Variants in TNKS2 observed in about 807,000 individuals in gnomAD.
TNKS2 encodes tankyrase 2.
Under a neutral mutation model 137.6 loss-of-function variants are expected in TNKS2, and 72 were observed. The observed-to-expected ratio is 0.52, with a 90% confidence interval of 0.43 to 0.64. The LOEUF (loss-of-function observed/expected upper bound fraction) is 0.64, where lower values mean the gene tolerates loss of function less well. TNKS2 is among the 30% of genes least tolerant of loss of function. The probability of loss-of-function intolerance (pLI) is 0.00; values close to 1 mark genes in which losing one functional copy is unlikely to be tolerated. For missense variants in TNKS2, 1,049 were observed against 1,410.2 expected (o/e 0.74, Z 4.10); for synonymous variants, 516 against 512.1 (o/e 1.01, Z -0.10).
In TNKS2 at chr10:91,857,449, C is replaced by G; in HGVS notation, c.3013C>G (p.Leu1005Val). 6.2e-7 allele frequency: 1 copy of G among 1,607,794 alleles called. No homozygotes were observed. The highest frequency in any genetic ancestry group is 8.5e-7 in the Non-Finnish European group (1 of 1,176,264). The change falls in exon 24 of 27, where the codon CTA (leucine) becomes GTA (valine). Residue 1005 changes from leucine to valine, a missense_variant. Leu to Val is a conservative substitution (Grantham distance 32). Around this residue, in one of 6 missense-constraint regions of TNKS2, gnomAD observed 133 missense variants for 248.4 expected, o/e 0.54. Transcript: ENST00000371627. Reference protein sequence around the residue: ...LKIQKVCNKKLWERYTHRRKE... With the variant: ...LKIQKVCNKKVWERYTHRRKE... ...GATTCAGAAGGTTTGTAACAAGAAA[C>G]TATGGGAAAGATACACTCACCGGAG...
At chr10:91,800,535 C>G (rs187485419) in intron 1 of TNKS2, among the ~76,000 whole-genome samples, 37 of 152,264 alleles carry the variant, frequency 2.4e-4, no homozygotes, top group Non-Finnish European at 4.3e-4. Flanking sequence ...GCCTTCCCAC[C>G]TTCAGTTCTG....
chr10:91,839,851 A>G (rs1842154500), intron 13 of TNKS2, among the ~76,000 whole-genome samples: 1 of 152,202 alleles, frequency 6.6e-6, no homozygotes, highest in Non-Finnish European at 1.5e-5. Context: ...CTCAGTAGAT[A>G]GAGATCTGAG....
chr10:91,837,557 T>C (rs1461856994), intron 13 of TNKS2, among the ~76,000 whole-genome samples: 3 of 152,166 alleles, frequency 2.0e-5, no homozygotes, highest in African/African-American at 4.8e-5. Context: ...ACTCTTGCTG[T>C]AGAAATATGT....
In TNKS2 at chr10:91,815,322, G is replaced by A. The variant is rs982683568; in HGVS notation, c.425-1812G>A. On this transcript the variant is annotated intron_variant, in intron 2 of 26. Transcript: ENST00000371627. ...GAAATGAGGTCATTTATAAAGATGT[G>A]AAATGGATTTCCTAGTTACCTCTGC... 1.7e-4 allele frequency among the ~76,000 whole-genome samples: 26 copies of A among 152,302 alleles called. No individual in the cohort carries two copies. The East Asian group carries it at 3.7e-3, about 21-fold the overall frequency.
chr10:91,823,335 T>G (rs1159680027), intron 7 of TNKS2, among the ~76,000 whole-genome samples: 3 of 134,394 alleles, frequency 2.2e-5, no homozygotes, highest in South Asian at 2.5e-4. Context: ...TTTTTTTTTT[T>G]TTTTTTTTTT....
rs764613712 is a variant in TNKS2 at position 91,842,151 on chromosome 10, T to G, written c.1840-21T>G. The stretch of plus-strand genomic sequence containing the variant: ...ACATTTAAGCCATTTCCCCCTTTTT[T>G]TCTGTTTTTCACATGCCTAGCATGG... On this transcript the variant is annotated intron_variant, in intron 15 of 26. Transcript: ENST00000371627. The G allele has an allele frequency of 4.5e-6, 7 of 1,571,326 alleles. No individual in the cohort carries two copies. The South Asian group carries it at 4.6e-5, about 10-fold the overall frequency.
chr10:91,858,042 A>C (rs965025560), intron 24 of TNKS2, among the ~76,000 whole-genome samples: 1 of 152,184 alleles, frequency 6.6e-6, no homozygotes, highest in African/African-American at 2.4e-5. Context: ...GGAATTTTCT[A>C]CTTTTTTTGT....
In TNKS2 at chr10:91,842,163, C is replaced by A; in HGVS notation, c.1840-9C>A. ...TTTCCCCCTTTTTTTCTGTTTTTCA[C>A]ATGCCTAGCATGGTGCAGACCCTAC... is the stretch of plus-strand genomic sequence containing the variant. On this transcript the variant is annotated splice_polypyrimidine_tract_variant and intron_variant, in intron 15 of 26. Transcript: ENST00000371627. 1 of 1,582,802 alleles carries A rather than the reference C, an allele frequency of 6.3e-7. No individual in the cohort carries two copies. The highest frequency in any genetic ancestry group is 1.8e-5 in the Admixed American group (1 of 56,008).
In TNKS2 at chr10:91,845,738, A is replaced by G. The variant is rs780653625; in HGVS notation, c.2170-14A>G. The G allele has an allele frequency of 4.1e-6, 6 of 1,477,918 alleles. No individual in the cohort carries two copies. The East Asian group carries it at 7.1e-5, about 18-fold the overall frequency. The allele number at this position is 1,477,918 out of a possible 1,614,324, so 91.6% of individuals were successfully genotyped here. On this transcript the variant is annotated splice_polypyrimidine_tract_variant and intron_variant, in intron 17 of 26. Transcript: ENST00000371627. Reference sequence around the variant, plus strand: ...AATAATATTTCAGACTGTAACGGGTATTTTCTTTTACAGCATGTAGATGTA... The same window carrying G: ...AATAATATTTCAGACTGTAACGGGTGTTTTCTTTTACAGCATGTAGATGTA...
At chr10:91,800,493 T>C (rs972576779) in intron 1 of TNKS2, among the ~76,000 whole-genome samples, 1 of 152,228 alleles carries the variant, frequency 6.6e-6, no homozygotes, top group Non-Finnish European at 1.5e-5. Context: ...AAGATTATGT[T>C]ATTAGATCCT....
Position 91,863,115 on chromosome 10 carries a change from A to C in TNKS2, c.*116A>C, listed in dbSNP as rs2133689720. The C allele has an allele frequency of 1.5e-6, 1 of 657,974 alleles. No homozygotes were observed. Among genetic ancestry groups the C allele is most frequent in the East Asian group, 2.8e-5 (1 of 36,018 alleles). The allele number at this position is 657,974 out of a possible 1,614,324, so 40.8% of individuals were successfully genotyped here. On this transcript the variant is annotated 3_prime_UTR_variant, in exon 27 of 27. Coordinates refer to ENST00000371627, the MANE Select transcript of TNKS2 (RefSeq NM_025235.4). ...ATCTTGCCCACAGGCCTGTGGCAAA[A>C]GGATAAAAATGTGAACGAAGTTTAA...
intron 9 of TNKS2, among the ~76,000 whole-genome samples, chr10:91,829,387 T>G (rs1164265191): frequency 5.3e-5 from 8 of 152,040 alleles, no homozygotes; most frequent in Non-Finnish European, 1.0e-4. Context: ...AAGACTGACA[T>G]GGAAAATTCT....
Position 91,842,235 on chromosome 10 carries a change from G to A in TNKS2, c.1903G>A (p.Gly635Arg). The change falls in exon 16 of 27, where the codon GGA becomes AGA. Residue 635 changes from glycine (G) to arginine (R), a missense_variant. Coordinates refer to ENST00000371627, the MANE Select transcript of TNKS2 (RefSeq NM_025235.4). ...GNTPLDLVKD[G>R]DTDIQDLLRG... The stretch of plus-strand genomic sequence containing the variant: ...TACTCCTTTGGATCTTGTTAAAGAT[G>A]GAGATACAGATATTCAAGATCTGCT... 6.2e-7 allele frequency: 1 copy of A among 1,613,976 alleles called. No homozygotes were observed. The highest frequency in any genetic ancestry group is 2.2e-5 in the East Asian group (1 of 44,866).
chr10:91,812,385 G>A (rs766920667), intron 1 of TNKS2, among the ~76,000 whole-genome samples: 6 of 152,090 alleles, frequency 3.9e-5, no homozygotes, highest in South Asian at 2.1e-4. Flanking sequence ...TTATATATGC[G>A]TTTTGCAAGT....
chr10:91,822,514 A>G lies in TNKS2; in HGVS notation c.795+152A>G, dbSNP rs563769004. The G allele has an allele frequency of 1.2e-5, 7 of 597,268 alleles. No homozygotes were observed. The East Asian group carries it at 1.7e-4, about 15-fold the overall frequency. The allele number at this position is 597,268 out of a possible 1,614,324, so 37.0% of individuals were successfully genotyped here. On this transcript the variant is annotated intron_variant, in intron 7 of 26. Coordinates refer to ENST00000371627, the MANE Select transcript of TNKS2 (RefSeq NM_025235.4). The stretch of plus-strand genomic sequence containing the variant: ...AAGCATTATAAAATATAGGTGACTG[A>G]TAGCTCAGCATTTGACTGCTTTGAG...
rs778369434 is a variant in TNKS2, at chr10:91,827,217, T to TA, written c.982+15dup. 6.0e-6 allele frequency: 9 copies of TA among 1,499,662 alleles called. No homozygotes were observed. The highest frequency in any genetic ancestry group is 8.0e-6 in the Non-Finnish European group (9 of 1,118,062). The allele number at this position is 1,499,662 out of a possible 1,614,324, so 92.9% of individuals were successfully genotyped here. Reference sequence around the variant, plus strand: ...AAAGATTAGCATGTGAGTATAAAATTATGAATGTTCAGGTAGGATATTATA... The same window carrying TA: ...AAAGATTAGCATGTGAGTATAAAATTAATGAATGTTCAGGTAGGATATTATA... On this transcript the variant is annotated intron_variant, in intron 8 of 26. Coordinates refer to ENST00000371627, the MANE Select transcript of TNKS2 (RefSeq NM_025235.4).
chr10:91,804,744 AGTAT>A (rs1458551185), intron 1 of TNKS2, among the ~76,000 whole-genome samples: 1 of 152,162 alleles, frequency 6.6e-6, no homozygotes, highest in African/African-American at 2.4e-5. Flanking sequence ...CAGTTTGGGA[AGTAT>A]GGTTTTTTGG....
intron 1 of TNKS2, among the ~76,000 whole-genome samples, chr10:91,812,074 AAGAAT>A (rs1303977523): frequency 6.6e-6 from 1 of 151,912 alleles, no homozygotes; most frequent in Non-Finnish European, 1.5e-5. Context: ...AAAAAAAAAA[AAGAAT>A]AGAACGGAGA....
rs17107140 is a variant in TNKS2, at chr10:91,840,723, G to A, written c.1673+17G>A. 153,575 of 1,601,052 alleles carry A rather than the reference G, an allele frequency of 0.096. 8,569 individuals carry two copies. The highest frequency in any genetic ancestry group is 0.22 in the East Asian group (10,009 of 44,572). Reference sequence around the variant, plus strand: ...AGATAAAGGGTAAATGCCAATGATTGTTATGGACTCTCTTCCTTACTTTTA... The same window carrying A: ...AGATAAAGGGTAAATGCCAATGATTATTATGGACTCTCTTCCTTACTTTTA... On this transcript the variant is annotated intron_variant, in intron 14 of 26. Coordinates refer to ENST00000371627, the MANE Select transcript of TNKS2 (RefSeq NM_025235.4).
Sources: gnomAD v4.1 joint callset for allele counts (sites outside exome capture counted in the v4.1 genomes callset) on GRCh38, gnomAD v4.1.1 for gene constraint, gnomAD v4.1.1 regional missense constraint, MANE v1.5 for transcripts, NCBI Gene and HGNC (gene_info 2026-07-23, HGNC 2026-07-21) for gene names.